FSTL4: variants seen among roughly 807,000 people sequenced by gnomAD.
FSTL4 encodes the protein follistatin like 4, also known as follistatin-related protein 4.
FSTL4 carries 28 observed loss-of-function variants against 78.2 expected under a neutral mutation model. The ratio of observed to expected loss-of-function variants is 0.36; its 90% confidence interval spans 0.27 to 0.49. The LOEUF (loss-of-function observed/expected upper bound fraction) is 0.49. FSTL4 is among the 20% of genes least tolerant of loss of function. The pLI is 0.98. For synonymous variants in FSTL4, 422 were observed against 440.5 expected, an observed-to-expected ratio of 0.96 and a Z score of 0.53; for missense variants, 922 against 1,084.9, an observed-to-expected ratio of 0.85 and a Z score of 2.11.
At chr5:133,666,904 G>A in the FSTL4 span, among the ~76,000 whole-genome samples, 6 of 152,144 alleles carry the variant, frequency 3.9e-5, no homozygotes, top group East Asian at 1.2e-3. Context: ...TATTTCCCTG[G>A]TATCTGAATT....
intron 6 of FSTL4, among the ~76,000 whole-genome samples, chr5:133,301,715 C>T (rs1228532029): frequency 2.0e-5 from 3 of 152,234 alleles, no homozygotes; most frequent in Non-Finnish European, 4.4e-5. Flanking sequence ...AAGAACGGCT[C>T]TCCAAGGGCA....
At chr5:133,781,474 T>C in the FSTL4 span, among the ~76,000 whole-genome samples, 1 of 151,224 alleles carries the variant, frequency 6.6e-6, no homozygotes, top group Non-Finnish European at 1.5e-5. Context: ...GCCAGAGGGA[T>C]GTGTGGACAA....
the FSTL4 span, among the ~76,000 whole-genome samples, chr5:133,761,075 C>T: frequency 6.6e-6 from 1 of 152,202 alleles, no homozygotes; most frequent in African/African-American, 2.4e-5. Flanking sequence ...CCTTCCAAAG[C>T]TCTGTACAAA....
chr5:133,581,012 T>C (rs981284976), intron 2 of FSTL4, among the ~76,000 whole-genome samples: 8 of 152,224 alleles, frequency 5.3e-5, no homozygotes, highest in African/African-American at 1.9e-4. Context: ...GATTGCTGTC[T>C]GAATAAATCA....
the FSTL4 span, among the ~76,000 whole-genome samples, chr5:133,657,772 T>TG: frequency 9.2e-6 from 1 of 109,156 alleles, no homozygotes; most frequent in Non-Finnish European, 1.8e-5. Context: ...TTTTGTTTTT[T>TG]TTGTTTTTTT....
the FSTL4 span, among the ~76,000 whole-genome samples, chr5:133,738,887 G>A: frequency 6.6e-6 from 1 of 152,148 alleles, no homozygotes; most frequent in Non-Finnish European, 1.5e-5. Flanking sequence ...GGGCCCCACA[G>A]ACCTAACCCA....
intron 4 of FSTL4, among the ~76,000 whole-genome samples, chr5:133,352,109 G>C (rs1464616048): frequency 6.6e-6 from 1 of 151,630 alleles, no homozygotes; most frequent in Non-Finnish European, 1.5e-5. Flanking sequence ...TATACTGTGT[G>C]ATGCTGGGGT....
At chr5:133,233,635 G>A in intron 7 of FSTL4, 98 bp from the exon 8 acceptor site, 1 of 1,461,522 alleles carries the variant, frequency 6.8e-7, no homozygotes, top group Non-Finnish European at 9.4e-7. Flanking sequence ...GCAGCTGGGA[G>A]AGAGTTCCTT....
chr5:133,537,797 T>TATACAC (rs1554069417), intron 3 of FSTL4, among the ~76,000 whole-genome samples: 5 of 148,456 alleles, frequency 3.4e-5, no homozygotes, highest in African/African-American at 1.3e-4. Context: ...TATATATATA[T>TATACAC]ACACACACAC....
chr5:133,594,588 A>G (rs1760703716), intron 2 of FSTL4, among the ~76,000 whole-genome samples: 1 of 152,350 alleles, frequency 6.6e-6, no homozygotes, highest in South Asian at 2.1e-4. Context: ...ACCATGGGGC[A>G]TATTTTAGAG....
the FSTL4 span, among the ~76,000 whole-genome samples, chr5:133,700,387 A>T: frequency 6.6e-6 from 1 of 150,642 alleles, no homozygotes; most frequent in African/African-American, 2.5e-5. Flanking sequence ...CACACCAAAC[A>T]CCACACCAAA....
At chr5:133,311,975 G>A (rs1753795743) in intron 6 of FSTL4, among the ~76,000 whole-genome samples, 1 of 152,116 alleles carries the variant, frequency 6.6e-6, no homozygotes, top group African/African-American at 2.4e-5. Flanking sequence ...CTTGTATCTT[G>A]CATTTCTTGT....
intron 2 of FSTL4, 45 bp downstream of exon 2, chr5:133,603,813 A>C (rs1760920282): frequency 5.0e-6 from 8 of 1,594,276 alleles, no homozygotes; most frequent in Middle Eastern, 3.3e-4. Flanking sequence ...TAACATCGGA[A>C]AGCAATCAGT....
intron 3 of FSTL4, among the ~76,000 whole-genome samples, chr5:133,506,968 T>G (rs535419163): frequency 2.6e-5 from 4 of 152,214 alleles, no homozygotes; most frequent in African/African-American, 7.2e-5. Flanking sequence ...TCCTACCACT[T>G]TGGGAGGCCA....
At chr5:133,219,858 CTCTT>C (rs1200528593) in intron 12 of FSTL4, among the ~76,000 whole-genome samples, 1 of 152,226 alleles carries the variant, frequency 6.6e-6, no homozygotes, top group Non-Finnish European at 1.5e-5. Flanking sequence ...ATTGCTGGAA[CTCTT>C]TCTAACTGGC....
chr5:133,453,551 G>C (rs1016563440), intron 3 of FSTL4, among the ~76,000 whole-genome samples: 1 of 152,178 alleles, frequency 6.6e-6, no homozygotes, highest in South Asian at 2.1e-4. Flanking sequence ...ACCAATATCT[G>C]CCTGAGCTTA....
At chr5:133,665,976 G>C in the FSTL4 span, among the ~76,000 whole-genome samples, 2 of 152,134 alleles carry the variant, frequency 1.3e-5, no homozygotes, top group African/African-American at 2.4e-5. Context: ...TGGCAGCTCA[G>C]CTGCAGTACT....
rs1021355003 is a variant in FSTL4 at position 133,198,096 on chromosome 5, C to T, written c.*999G>A. 2.6e-5 allele frequency: 4 copies of T among 152,776 alleles called. No homozygotes were observed. Among genetic ancestry groups the T allele is most frequent in the Admixed American group, 6.5e-5 (1 of 15,292 alleles). 9.5% of individuals were successfully genotyped at this position (152,776 alleles called of 1,614,324 possible). On this transcript the variant is annotated 3_prime_UTR_variant, in exon 16 of 16. Coordinates refer to ENST00000265342, the MANE Select transcript of FSTL4 (RefSeq NM_015082.2). ...TATAGCTTCAGGAACTCACCTGGCCCCACTCGTGTCCTTGGGGTTTCTGCA... is the reference window on the plus strand; with the variant it reads ...TATAGCTTCAGGAACTCACCTGGCCTCACTCGTGTCCTTGGGGTTTCTGCA...
the FSTL4 span, among the ~76,000 whole-genome samples, chr5:133,658,513 T>A: frequency 4.6e-5 from 7 of 152,168 alleles, no homozygotes; most frequent in Non-Finnish European, 7.4e-5. Context: ...CTCACATTTT[T>A]AAAAATTTGC....
Sources: allele counts gnomAD v4.1 joint callset (sites outside exome capture counted in the v4.1 genomes callset), GRCh38; gene constraint gnomAD v4.1.1; transcripts MANE v1.5; gene names NCBI Gene and HGNC (gene_info 2026-07-23, HGNC 2026-07-21).